Variants in RAP1GAP2 observed in about 807,000 individuals in gnomAD.
RAP1GAP2 encodes the protein RAP1 GTPase activating protein 2, also known as rap1 GTPase-activating protein 2.
Under a neutral mutation model 95.0 loss-of-function variants are expected in RAP1GAP2, and 27 were observed. That is an observed-to-expected ratio of 0.28 (90% CI 0.21 to 0.39). RAP1GAP2 has a LOEUF of 0.39. Ranked by LOEUF, RAP1GAP2 falls within the 10% of genes least tolerant of loss-of-function variation. The pLI, the probability that RAP1GAP2 is intolerant of heterozygous loss-of-function variation, is 1.00. For missense variants in RAP1GAP2, 771 were observed against 970.0 expected (o/e 0.79, Z 2.72); for synonymous variants, 373 against 380.9 (o/e 0.98, Z 0.24).
At position 2,797,216 on chromosome 17, in the gene RAP1GAP2, G is replaced by A. The variant is rs572641184; in HGVS notation, c.44+645G>A. Among the ~76,000 whole-genome samples the A allele has an allele frequency of 3.1e-4, 47 of 152,290 alleles. 2 individuals are homozygous for A. The South Asian group carries it at 9.5e-3, about 31-fold the overall frequency. ...CCTGCACCCCAGGCAGCCCACCCTA[G>A]CTCTGTCCTAGCCTGAGCAGCTGCA... On this transcript the variant is annotated intron_variant, in intron 1 of 24. Transcript: ENST00000254695. This position sits in a 1 kb window ranked among gnomAD's most constrained non-coding sequence, Gnocchi z 5.6.
At chr17:2,844,124 C>A (rs929204492) in intron 2 of RAP1GAP2, among the ~76,000 whole-genome samples, 2 of 151,846 alleles carry the variant, frequency 1.3e-5, no homozygotes, top group African/African-American at 4.8e-5. Context: ...GGGTTCACGC[C>A]ATTCTCCTGC....
chr17:3,013,707 T>C (rs1010069229), intron 17 of RAP1GAP2, among the ~76,000 whole-genome samples: 30 of 142,520 alleles, frequency 2.1e-4, no homozygotes, highest in African/African-American at 6.8e-4. Context: ...CATCCACCAG[T>C]TGAATTGTAT....
rs932413712 is a variant in RAP1GAP2 at position 2,895,142 on chromosome 17, T to G, written c.81-10142T>G. ...AGTGGACTTGTTTCAGAAGGCACCTTTACGTCACTACCATAAAAGGAAAAT... is the reference window on the plus strand; with the variant it reads ...AGTGGACTTGTTTCAGAAGGCACCTGTACGTCACTACCATAAAAGGAAAAT... On this transcript the variant is annotated intron_variant, in intron 2 of 24. Transcript: ENST00000254695. 2.0e-5 allele frequency among the ~76,000 whole-genome samples: 3 copies of G among 152,338 alleles called. No individual in the cohort carries two copies. In the South Asian group the frequency reaches 6.2e-4, roughly 32 times the overall value.
chr17:3,014,003 G>A (rs562176740), intron 17 of RAP1GAP2, among the ~76,000 whole-genome samples: 1 of 152,306 alleles, frequency 6.6e-6, no homozygotes, highest in African/African-American at 2.4e-5. Flanking sequence ...ACAATCACGT[G>A]TCACTCAACG....
intron 17 of RAP1GAP2, among the ~76,000 whole-genome samples, chr17:3,010,209 G>C (rs933112385): frequency 1.3e-4 from 20 of 151,906 alleles, no homozygotes; most frequent in Admixed American, 3.9e-4. Flanking sequence ...GCGTGGTGAC[G>C]TGAGCCTGTA....
intron 2 of RAP1GAP2, among the ~76,000 whole-genome samples, chr17:2,848,344 G>A (rs1362697256): frequency 6.6e-6 from 1 of 152,076 alleles, no homozygotes; most frequent in Non-Finnish European, 1.5e-5. Context: ...TGTCTTTGAG[G>A]CCTCCGAGTC....
chr17:2,883,160 C>T (rs1290130280), intron 2 of RAP1GAP2, among the ~76,000 whole-genome samples: 8 of 152,198 alleles, frequency 5.3e-5, no homozygotes, highest in South Asian at 2.1e-4. Flanking sequence ...CAGGAGACCA[C>T]GTGGGTGGTG....
intron 3 of RAP1GAP2, among the ~76,000 whole-genome samples, chr17:2,920,369 G>A (rs1000042148): frequency 4.6e-5 from 7 of 152,104 alleles, no homozygotes; most frequent in Non-Finnish European, 7.4e-5. Context: ...GCCCCCAGGG[G>A]CCCCCCAACC....
chr17:2,869,567 A>G (rs927577838), intron 2 of RAP1GAP2, among the ~76,000 whole-genome samples: 4 of 152,090 alleles, frequency 2.6e-5, no homozygotes, highest in African/African-American at 9.7e-5. Flanking sequence ...TGCTCAGCTG[A>G]GTTGGGAACC....
At chr17:2,893,689 T>TGCTCTGACCATGACGCCGCTC (rs2073793392) in intron 2 of RAP1GAP2, among the ~76,000 whole-genome samples, 1 of 152,192 alleles carries the variant, frequency 6.6e-6, no homozygotes, top group Non-Finnish European at 1.5e-5. Context: ...GCTGGCTGCC[T>TGCTCTGACCATGACGCCGCTC]CTGCTCTGAC....
At chr17:3,015,068 A>G (rs2046711442) in intron 17 of RAP1GAP2, among the ~76,000 whole-genome samples, 1 of 152,188 alleles carries the variant, frequency 6.6e-6, no homozygotes, top group African/African-American at 2.4e-5. Context: ...TCAGTGTGCC[A>G]CCACCCCTGT....
intron 3 of RAP1GAP2, among the ~76,000 whole-genome samples, chr17:2,943,444 A>T (rs928362323): frequency 1.7e-4 from 26 of 151,290 alleles, no homozygotes; most frequent in African/African-American, 5.8e-4. Context: ...AGGCTGAAGC[A>T]GGCAGATCAT....
chr17:2,850,037 G>T (rs1044555821), intron 2 of RAP1GAP2, among the ~76,000 whole-genome samples: 2 of 123,126 alleles, frequency 1.6e-5, no homozygotes, highest in Non-Finnish European at 3.2e-5. Flanking sequence ...GTCTCGCTCT[G>T]TTGCCCAGGC....
intron 11 of RAP1GAP2, among the ~76,000 whole-genome samples, chr17:2,986,171 T>TC (rs1487093851): frequency 6.6e-6 from 1 of 152,220 alleles, no homozygotes; most frequent in Non-Finnish European, 1.5e-5. Context: ...AGACGACACC[T>TC]GATGTTCTCA....
At chr17:2,991,059 G>C (rs1237490579) in intron 11 of RAP1GAP2, among the ~76,000 whole-genome samples, 2 of 151,876 alleles carry the variant, frequency 1.3e-5, no homozygotes, top group Non-Finnish European at 2.9e-5. Context: ...TGGCCAGGCT[G>C]GTCTCGAACT....
rs2072618307 is a variant in RAP1GAP2, at chr17:2,866,511, G to A, written c.81-38773G>A. Among the ~76,000 whole-genome samples the A allele has an allele frequency of 6.6e-6, 1 of 152,208 alleles. No individual in the cohort carries two copies. Among genetic ancestry groups the A allele is most frequent in the Non-Finnish European group, 1.5e-5 (1 of 68,036 alleles). The stretch of plus-strand genomic sequence containing the variant: ...TTATTGTGATTTTTATTAAATAGAG[G>A]TTTGGGGCCCAAGGGCCTTTGTGTT... On this transcript the variant is annotated intron_variant, in intron 2 of 24. Coordinates refer to ENST00000254695, the MANE Select transcript of RAP1GAP2 (RefSeq NM_015085.5). The surrounding 1 kb of genome is among the most constrained non-coding windows in gnomAD (Gnocchi z 4.0).
chr17:2,880,556 G>A (rs935840057), intron 2 of RAP1GAP2, among the ~76,000 whole-genome samples: 3 of 150,532 alleles, frequency 2.0e-5, no homozygotes, highest in East Asian at 2.0e-4. Context: ...TGTTCACAGT[G>A]TTTTGGGATC....
At chr17:2,954,746 G>A (rs549831253) in intron 3 of RAP1GAP2, among the ~76,000 whole-genome samples, 4 of 151,732 alleles carry the variant, frequency 2.6e-5, no homozygotes, top group South Asian at 4.2e-4. Context: ...GGTACCCGCC[G>A]CCAAGCCCAG....
At chr17:2,969,450 A>AC (rs2044758588) in intron 8 of RAP1GAP2, among the ~76,000 whole-genome samples, 2 of 141,682 alleles carry the variant, frequency 1.4e-5, no homozygotes, top group African/African-American at 5.1e-5. Context: ...CACACACACA[A>AC]TAAATAAATA....
Sources: allele counts gnomAD v4.1 joint callset (sites outside exome capture counted in the v4.1 genomes callset), GRCh38; gene constraint gnomAD v4.1.1; non-coding constraint Gnocchi (gnomAD v3.1); transcripts MANE v1.5; gene names NCBI Gene and HGNC (gene_info 2026-07-23, HGNC 2026-07-21).